LRRC38: variants seen among roughly 807,000 people sequenced by gnomAD.
LRRC38 encodes leucine rich repeat containing 38.
In LRRC38, 5 loss-of-function variants were observed where a neutral mutation model predicts 16.4. That is an observed-to-expected ratio of 0.31 (90% CI 0.16 to 0.64). LRRC38 has a LOEUF of 0.64. LRRC38 is among the 30% of genes least tolerant of loss of function. LRRC38 has a pLI of 0.80. For missense variants in LRRC38, 341 were observed against 401.8 expected, an observed-to-expected ratio of 0.85 and a Z score of 1.29; for synonymous variants, 191 against 190.2, an observed-to-expected ratio of 1.00 and a Z score of -0.04.
At position 13,501,929 on chromosome 1, in the gene LRRC38, A is replaced by AT. The variant is rs948879536; in HGVS notation, c.631+11033dup. On this transcript the variant is annotated intron_variant, in intron 1 of 1. Transcript: ENST00000376085. ...AGGCACCTGCCGCCACACCTGGCTAATTTTTTTTTTTGGTGGGGGATGGAG... is the reference window on the plus strand; with the variant it reads ...AGGCACCTGCCGCCACACCTGGCTAATTTTTTTTTTTTGGTGGGGGATGGAG... Among the ~76,000 whole-genome samples, 408 of 142,304 alleles carry AT rather than the reference A, an allele frequency of 2.9e-3. 1 individual carries two copies. The highest frequency in any genetic ancestry group is 8.9e-3 in the African/African-American group (345 of 38,848). The allele number at this position is 142,304 out of a possible 152,430, so 93.4% of individuals were successfully genotyped here.
intron 1 of LRRC38, among the ~76,000 whole-genome samples, chr1:13,486,641 A>C (rs1164578133): frequency 7.1e-6 from 1 of 140,712 alleles, no homozygotes; most frequent in East Asian, 2.1e-4. Flanking sequence ...CCCAGGCTGG[A>C]GTGCAGTGGC....
chr1:13,479,066 G>T (rs1638821048), intron 1 of LRRC38, among the ~76,000 whole-genome samples: 1 of 151,908 alleles, frequency 6.6e-6, no homozygotes, highest in Non-Finnish European at 1.5e-5. Flanking sequence ...AAACTTCTGA[G>T]AATTTTAAAT....
At chr1:13,505,727 G>A (rs1639204540) in intron 1 of LRRC38, among the ~76,000 whole-genome samples, 1 of 152,194 alleles carries the variant, frequency 6.6e-6, no homozygotes, top group Admixed American at 6.5e-5. Flanking sequence ...GGATGGTCAG[G>A]GAAGGCCTCT....
At chr1:13,495,568 A>C (rs1427225512) in intron 1 of LRRC38, among the ~76,000 whole-genome samples, 1 of 151,992 alleles carries the variant, frequency 6.6e-6, no homozygotes, top group African/African-American at 2.4e-5. Context: ...ACCCTCCTTC[A>C]AGACCTACTC....
At chr1:13,511,959 A>T (rs919404483) in intron 1 of LRRC38, among the ~76,000 whole-genome samples, 1 of 152,204 alleles carries the variant, frequency 6.6e-6, no homozygotes, top group African/African-American at 2.4e-5. Flanking sequence ...TGGAAAAAAA[A>T]ATATTCTGAA....
At chr1:13,507,303 G>C (rs2990675) in intron 1 of LRRC38, among the ~76,000 whole-genome samples, 99,198 of 152,070 alleles carry the variant, frequency 0.65, 33,312 homozygotes, top group Middle Eastern at 0.74. Flanking sequence ...ACAAGTTAAA[G>C]GTGCAGTGGA....
chr1:13,500,418 G>A (rs753115684), intron 1 of LRRC38, among the ~76,000 whole-genome samples: 1 of 152,146 alleles, frequency 6.6e-6, no homozygotes, highest in Admixed American at 6.5e-5. Flanking sequence ...TGCTTCCTTT[G>A]CCCTACTGTT....
In LRRC38 at chr1:13,487,368, C is replaced by T. The variant is rs780725815; in HGVS notation, c.632-11269G>A. On this transcript the variant is annotated intron_variant, in intron 1 of 1. Coordinates refer to ENST00000376085, the MANE Select transcript of LRRC38 (RefSeq NM_001010847.2). The surrounding 1 kb of genome is among the most constrained non-coding windows in gnomAD (Gnocchi z 4.4). ...TTGGTGGCATGAGGGCTTTGGGAGG[C>T]AGCGGGAGTGATGCAGCTCACCTCC... 2.0e-5 allele frequency among the ~76,000 whole-genome samples: 3 copies of T among 152,240 alleles called. No homozygotes were observed. The highest frequency in any genetic ancestry group is 2.1e-4 in the South Asian group (1 of 4,826).
At position 13,480,494 on chromosome 1, in the gene LRRC38, A is replaced by G. The variant is rs1170383948; in HGVS notation, c.632-4395T>C. Among the ~76,000 whole-genome samples the G allele has an allele frequency of 2.0e-5, 3 of 152,190 alleles. 1 individual carries two copies. The highest frequency in any genetic ancestry group is 4.4e-5 in the Non-Finnish European group (3 of 68,032). On this transcript the variant is annotated intron_variant, in intron 1 of 1. Coordinates refer to ENST00000376085, the MANE Select transcript of LRRC38 (RefSeq NM_001010847.2). ...GACTTTTAAATTTTTTTGTAAAGAC[A>G]GGGTCTCGCTCTGTTGCCCAGTGAT... is the stretch of plus-strand genomic sequence containing the variant.
intron 1 of LRRC38, among the ~76,000 whole-genome samples, chr1:13,491,483 C>A (rs984017623): frequency 1.3e-5 from 2 of 152,068 alleles, no homozygotes; most frequent in African/African-American, 4.8e-5. Flanking sequence ...TGTGTGACCC[C>A]ACTCCTGGCT....
At chr1:13,490,788 C>T (rs568548971) in intron 1 of LRRC38, among the ~76,000 whole-genome samples, 14 of 152,274 alleles carry the variant, frequency 9.2e-5, no homozygotes, top group South Asian at 2.1e-4. Context: ...GAGCTCCACA[C>T]GGCCTCTGGA....
Position 13,476,024 on chromosome 1 carries a change from A to C in LRRC38, c.707T>G (p.Phe236Cys). 1 of 1,550,554 alleles carries C rather than the reference A, an allele frequency of 6.4e-7. No homozygotes were observed. Among genetic ancestry groups the C allele is most frequent in the Non-Finnish European group, 8.7e-7 (1 of 1,146,974 alleles). The change falls in exon 2 of 2, where the codon TTC (phenylalanine) becomes TGC (cysteine). Residue 236 changes from phenylalanine to cysteine, a missense_variant. Phe to Cys is a radical substitution (Grantham distance 205). Coordinates refer to ENST00000376085, the MANE Select transcript of LRRC38 (RefSeq NM_001010847.2). ...ISLRELSEASFSECRFSLSLT... is the reference protein window; with the variant it reads ...ISLRELSEASCSECRFSLSLT... ...TGACAGGCTGAACCTACACTCGCTG[A>C]AGCTGGCCTCCGACAGCTCACGCAG... is the stretch of plus-strand genomic sequence containing the variant.
chr1:13,483,797 C>G (rs1213590219), intron 1 of LRRC38, among the ~76,000 whole-genome samples: 1 of 152,082 alleles, frequency 6.6e-6, no homozygotes, highest in African/African-American at 2.4e-5. Flanking sequence ...CGTACGTGCT[C>G]GAGAATCCCG....
chr1:13,481,788 CCTCTCTCTCTCTCTCT>C (rs1198744392), intron 1 of LRRC38, among the ~76,000 whole-genome samples: 1 of 34,466 alleles, frequency 2.9e-5, no homozygotes, highest in Non-Finnish European at 5.1e-5. Flanking sequence ...TCCCTCTCTC[CCTCTCTCTCTCTCTCT>C]CTCTCTCTCT....
chr1:13,509,204 T>C (rs139497174), intron 1 of LRRC38, among the ~76,000 whole-genome samples: 1 of 152,104 alleles, frequency 6.6e-6, no homozygotes, highest in East Asian at 1.9e-4. Flanking sequence ...TGCGTCAAGG[T>C]TGTAGAGCGA....
intron 1 of LRRC38, among the ~76,000 whole-genome samples, chr1:13,508,534 C>T (rs1421978676): frequency 1.3e-5 from 2 of 152,296 alleles, no homozygotes; most frequent in East Asian, 1.9e-4. Context: ...AGTATAATAT[C>T]AATCTGTTTA....
At chr1:13,506,250 A>G (rs1046396466) in intron 1 of LRRC38, among the ~76,000 whole-genome samples, 1 of 152,086 alleles carries the variant, frequency 6.6e-6, no homozygotes, top group African/African-American at 2.4e-5. Flanking sequence ...GGAGGAAGAA[A>G]GAACCCCAGG....
Position 13,475,395 on chromosome 1 carries a change from C to A in LRRC38, c.*451G>T, listed in dbSNP as rs1569903622. The A allele has an allele frequency of 6.1e-6, 1 of 164,798 alleles. No individual in the cohort carries two copies. Among genetic ancestry groups the A allele is most frequent in the Non-Finnish European group, 1.3e-5 (1 of 74,616 alleles). The allele number at this position is 164,798 out of a possible 1,614,324, so 10.2% of individuals were successfully genotyped here. On this transcript the variant is annotated 3_prime_UTR_variant, in exon 2 of 2. Coordinates refer to ENST00000376085, the MANE Select transcript of LRRC38 (RefSeq NM_001010847.2). This position sits in a 1 kb window ranked among gnomAD's most constrained non-coding sequence, Gnocchi z 4.3. ...AGTTCTCGTTCTTGTGGTGAATGATCCGAATTTGAATCTCCACTGTTTGAG... is the reference window on the plus strand; with the variant it reads ...AGTTCTCGTTCTTGTGGTGAATGATACGAATTTGAATCTCCACTGTTTGAG...
At chr1:13,503,892 C>T (rs1266120121) in intron 1 of LRRC38, among the ~76,000 whole-genome samples, 1 of 152,150 alleles carries the variant, frequency 6.6e-6, no homozygotes, top group African/African-American at 2.4e-5. Context: ...ACATTTACCA[C>T]GTATCCAGCT....
Sources: allele counts gnomAD v4.1 joint callset (sites outside exome capture counted in the v4.1 genomes callset), GRCh38; gene constraint gnomAD v4.1.1; non-coding constraint Gnocchi (gnomAD v3.1); transcripts MANE v1.5; gene names NCBI Gene and HGNC (gene_info 2026-07-23, HGNC 2026-07-21).